The following ZNF385D variants were observed in gnomAD, a reference collection of about 807,000 sequenced individuals.
ZNF385D encodes the protein zinc finger protein 659.
In ZNF385D, 15 loss-of-function variants were observed where a neutral mutation model predicts 35.8. The ratio of observed to expected loss-of-function variants is 0.42; its 90% CI spans 0.28 to 0.64. The LOEUF (loss-of-function observed/expected upper bound fraction) is 0.64, where lower values mean the gene tolerates loss of function less well. Among genes scored for constraint, ZNF385D ranks in the 30% least tolerant of loss-of-function variants. The pLI, the probability that ZNF385D is intolerant of heterozygous loss-of-function variation, is 0.23. For synonymous variants in ZNF385D, 212 were observed against 186.8 expected (o/e 1.13, Z -1.10); for missense variants, 474 against 494.6 (o/e 0.96, Z 0.39).
At chr3:22,022,869 C>T (rs1160437654) in intron 3 of ZNF385D, among the ~76,000 whole-genome samples, 1 of 151,994 alleles carries the variant, frequency 6.6e-6, no homozygotes. Flanking sequence ...GAATTAAGTC[C>T]ACTTTGGCTT....
At chr3:21,964,652 G>A (rs1242677726) in intron 3 of ZNF385D, among the ~76,000 whole-genome samples, 2 of 151,596 alleles carry the variant, frequency 1.3e-5, no homozygotes, top group East Asian at 1.9e-4. Context: ...ACCATGCCCT[G>A]CTAATTTTTT....
At chr3:22,018,035 T>C (rs1696993163) in intron 3 of ZNF385D, among the ~76,000 whole-genome samples, 1 of 151,938 alleles carries the variant, frequency 6.6e-6, no homozygotes, top group Admixed American at 6.6e-5. Flanking sequence ...AGAACTCTAC[T>C]ATTTTTTTCC....
At chr3:21,896,548 T>C (rs983841316) in intron 3 of ZNF385D, among the ~76,000 whole-genome samples, 1 of 152,190 alleles carries the variant, frequency 6.6e-6, no homozygotes, top group Admixed American at 6.6e-5. Flanking sequence ...CCCTGGTATA[T>C]TTTTATGAAC....
chr3:21,464,218 C>G (rs544737384), intron 4 of ZNF385D, among the ~76,000 whole-genome samples: 8 of 152,054 alleles, frequency 5.3e-5, no homozygotes, highest in Non-Finnish European at 8.8e-5. Context: ...ATTTTATAAT[C>G]GCTGACTGGA....
intron 3 of ZNF385D, among the ~76,000 whole-genome samples, chr3:22,078,235 T>C (rs1028890290): frequency 1.3e-5 from 2 of 152,018 alleles, no homozygotes; most frequent in African/African-American, 4.8e-5. Context: ...TTTCAAAAGA[T>C]ATAAATGATT....
chr3:21,615,917 T>C (rs2064834530), intron 2 of ZNF385D, among the ~76,000 whole-genome samples: 1 of 151,964 alleles, frequency 6.6e-6, no homozygotes, highest in African/African-American at 2.4e-5. Context: ...AGAATCTGAG[T>C]GGTTTTATTT....
At chr3:21,600,967 G>GA (rs923165921) in intron 2 of ZNF385D, among the ~76,000 whole-genome samples, 15 of 148,758 alleles carry the variant, frequency 1.0e-4, no homozygotes, top group South Asian at 4.2e-4. Flanking sequence ...GAAAATTCAA[G>GA]AAAAAAAAAA....
chr3:22,063,088 C>G (rs1699770270), intron 3 of ZNF385D, among the ~76,000 whole-genome samples: 1 of 152,110 alleles, frequency 6.6e-6, no homozygotes, highest in Non-Finnish European at 1.5e-5. Flanking sequence ...CAATGTGTAA[C>G]TAATACAGAG....
chr3:21,916,862 G>T (rs777337902), intron 3 of ZNF385D, among the ~76,000 whole-genome samples: 6 of 152,116 alleles, frequency 3.9e-5, no homozygotes, highest in Non-Finnish European at 7.3e-5. Context: ...CTTAGCTTTA[G>T]ATCTCAATTA....
chr3:21,879,062 T>C (rs1398489915), intron 3 of ZNF385D, among the ~76,000 whole-genome samples: 1 of 152,028 alleles, frequency 6.6e-6, no homozygotes, highest in African/African-American at 2.4e-5. Context: ...TTTTTCATCA[T>C]TTGAATACTT....
chr3:22,367,270 G>C (rs1278187968), intron 2 of ZNF385D, among the ~76,000 whole-genome samples: 1 of 152,052 alleles, frequency 6.6e-6, no homozygotes, highest in East Asian at 1.9e-4. Context: ...GGTAAAGAGA[G>C]GTGCAATAAC....
chr3:22,219,225 C>T (rs781376941), intron 2 of ZNF385D, among the ~76,000 whole-genome samples: 40 of 152,038 alleles, frequency 2.6e-4, no homozygotes, highest in African/African-American at 4.8e-4. Context: ...GTAAAAATTC[C>T]GTTTTCAGTG....
chr3:21,473,391 A>C (rs1455987444), intron 4 of ZNF385D, among the ~76,000 whole-genome samples: 1 of 152,136 alleles, frequency 6.6e-6, no homozygotes, highest in Admixed American at 6.6e-5. Context: ...GTGAGATTGA[A>C]GGAACAAATT....
At chr3:21,894,962 A>G (rs1699056575) in intron 3 of ZNF385D, among the ~76,000 whole-genome samples, 1 of 152,104 alleles carries the variant, frequency 6.6e-6, no homozygotes, top group Non-Finnish European at 1.5e-5. Flanking sequence ...ACCACCCAGC[A>G]AAACACAGAG....
At chr3:22,001,522 C>G (rs1231481910) in intron 3 of ZNF385D, among the ~76,000 whole-genome samples, 4 of 151,970 alleles carry the variant, frequency 2.6e-5, no homozygotes, top group Non-Finnish European at 5.9e-5. Context: ...GAAATAGAGT[C>G]CAATTTCAAT....
chr3:21,792,916 TG>T (rs2071989734), intron 3 of ZNF385D, among the ~76,000 whole-genome samples: 1 of 152,222 alleles, frequency 6.6e-6, no homozygotes, highest in African/African-American at 2.4e-5. Flanking sequence ...AATTTTGGGT[TG>T]GTCACTGACT....
chr3:21,447,842 T>C (rs893453972), intron 4 of ZNF385D, among the ~76,000 whole-genome samples: 4 of 152,106 alleles, frequency 2.6e-5, no homozygotes, highest in Non-Finnish European at 1.5e-5. Flanking sequence ...GCACATACCA[T>C]AAAAATGAAG....
chr3:21,965,198 C>A (rs907550233), intron 3 of ZNF385D, among the ~76,000 whole-genome samples: 1 of 152,080 alleles, frequency 6.6e-6, no homozygotes, highest in African/African-American at 2.4e-5. Flanking sequence ...TAGACTCTGA[C>A]CCTAAGTTTC....
chr3:22,263,961 A>C lies in ZNF385D; in HGVS notation c.107-94926T>G, dbSNP rs1397291388. Among the ~76,000 whole-genome samples, 4 of 152,110 alleles carry C rather than the reference A, an allele frequency of 2.6e-5. No homozygotes were observed. The South Asian group carries it at 6.2e-4, about 24-fold the overall frequency. On this transcript the variant is annotated intron_variant, in intron 2 of 5. Transcript: ENST00000494108. ...AAGGTTAAAAATTATAAGAGAAGGA[A>C]TATTCCTAAACAGAAATCACTTTCT...
Sources: allele counts gnomAD v4.1 joint callset (sites outside exome capture counted in the v4.1 genomes callset), GRCh38; gene constraint gnomAD v4.1.1; transcripts MANE v1.5; gene names NCBI Gene and HGNC (gene_info 2026-07-23, HGNC 2026-07-21).